Variants in RBFOX1 observed in about 807,000 individuals in gnomAD.
RBFOX1 encodes the protein RNA binding fox-1 homolog 1, also known as RNA binding protein fox-1 homolog 1.
RBFOX1 carries 8 observed loss-of-function variants against 57.7 expected under a neutral mutation model. The observed-to-expected ratio is 0.14, with a 90% CI of 0.08 to 0.25. RBFOX1 has a LOEUF of 0.25. Ranked by LOEUF, RBFOX1 falls within the 10% of genes least tolerant of loss-of-function variation. The pLI is 1.00. For synonymous variants in RBFOX1, 326 were observed against 222.4 expected, an observed-to-expected ratio of 1.47 and a Z score of -4.15; for missense variants, 611 against 548.5, an observed-to-expected ratio of 1.11 and a Z score of -1.14.
chr16:6,775,742 A>G (rs1354034148), intron 3 of RBFOX1: 1 of 152,216 alleles, frequency 6.6e-6, no homozygotes, highest in African/African-American at 2.4e-5. Flanking sequence ...GGTGTGAACC[A>G]GCAAACGGGT....
At chr16:6,947,865 C>T (rs144464382) in intron 3 of RBFOX1, among the ~76,000 whole-genome samples, 4 of 152,174 alleles carry the variant, frequency 2.6e-5, no homozygotes, top group African/African-American at 9.7e-5. Flanking sequence ...CAAAGTCCAC[C>T]TCATGGGTTC....
At chr16:5,420,763 T>C (rs1016545734) in intron 1 of RBFOX1, among the ~76,000 whole-genome samples, 3 of 152,028 alleles carry the variant, frequency 2.0e-5, no homozygotes, top group African/African-American at 7.2e-5. Context: ...CTCAAACTCT[T>C]GGCCTCAAGC....
intron 4 of RBFOX1, among the ~76,000 whole-genome samples, chr16:7,425,656 A>G (rs1198832836): frequency 6.6e-6 from 1 of 152,168 alleles, no homozygotes; most frequent in Non-Finnish European, 1.5e-5. Context: ...GAAATTGTTA[A>G]GCCCTGAGAA....
intron 3 of RBFOX1, among the ~76,000 whole-genome samples, chr16:6,895,446 G>GTATATATATATATATA (rs1439276748): frequency 1.8e-5 from 1 of 57,096 alleles, no homozygotes; most frequent in Non-Finnish European, 3.3e-5. Context: ...GTGTGTGTGT[G>GTATATATATATATATA]TGTATATATA....
At chr16:5,460,290 G>A (rs2068750778) in intron 1 of RBFOX1, among the ~76,000 whole-genome samples, 1 of 152,184 alleles carries the variant, frequency 6.6e-6, no homozygotes, top group African/African-American at 2.4e-5. Context: ...TTTCATGATT[G>A]TTGAAGCAGG....
intron 3 of RBFOX1, among the ~76,000 whole-genome samples, chr16:7,017,094 A>C (rs539738924): frequency 1.1e-4 from 17 of 152,168 alleles, no homozygotes; most frequent in African/African-American, 3.9e-4. Context: ...TCATTTTTCA[A>C]AAGACAGATG....
intron 1 of RBFOX1, among the ~76,000 whole-genome samples, chr16:5,434,474 A>C (rs1226046293): frequency 6.6e-6 from 1 of 151,780 alleles, no homozygotes; most frequent in Non-Finnish European, 1.5e-5. Flanking sequence ...GGCATGCACC[A>C]CCATGCCCAG....
intron 3 of RBFOX1, among the ~76,000 whole-genome samples, chr16:5,826,885 G>A (rs2056075943): frequency 6.6e-6 from 1 of 152,152 alleles, no homozygotes; most frequent in Non-Finnish European, 1.5e-5. Flanking sequence ...AGCAAGCTAA[G>A]GAGCCCTGAA....
intron 4 of RBFOX1, among the ~76,000 whole-genome samples, chr16:7,264,703 C>G (rs2095060607): frequency 6.7e-6 from 1 of 150,076 alleles, no homozygotes; most frequent in Non-Finnish European, 1.5e-5. Context: ...TTTTTCTCAA[C>G]TTTTTTTTTT....
intron 4 of RBFOX1, among the ~76,000 whole-genome samples, chr16:7,086,829 G>T (rs199559890): frequency 6.6e-6 from 1 of 152,092 alleles, no homozygotes; most frequent in East Asian, 1.9e-4. Context: ...AAGTCTTCTT[G>T]AAGCTTTCCA....
At chr16:5,690,497 A>T (rs1050049823) in intron 3 of RBFOX1, among the ~76,000 whole-genome samples, 1 of 152,126 alleles carries the variant, frequency 6.6e-6, no homozygotes, top group Non-Finnish European at 1.5e-5. Flanking sequence ...CGCTCTTGGC[A>T]TAACGCCTGG....
chr16:6,413,434 G>C (rs2093529579), intron 2 of RBFOX1, among the ~76,000 whole-genome samples: 1 of 152,070 alleles, frequency 6.6e-6, no homozygotes, highest in South Asian at 2.1e-4. Flanking sequence ...AAAGTGCTGG[G>C]GTTACAGGTG....
intron 3 of RBFOX1, among the ~76,000 whole-genome samples, chr16:5,752,029 C>G (rs145982118): frequency 1.3e-5 from 2 of 152,132 alleles, no homozygotes; most frequent in Non-Finnish European, 2.9e-5. Context: ...AATCTAAATT[C>G]CCATAATGGC....
chr16:6,960,568 G>A lies in RBFOX1; in HGVS notation c.-15-91489G>A, dbSNP rs187308982. Among the ~76,000 whole-genome samples the A allele has an allele frequency of 7.5e-4, 114 of 152,088 alleles. 1 individual carries two copies. Among genetic ancestry groups the A allele is most frequent in the African/African-American group, 2.7e-3 (110 of 41,478 alleles). On this transcript the variant is annotated intron_variant, in intron 3 of 15. Transcript: ENST00000550418. ...CTCTTTCTTGTATCTGTTCCCCTGTGCCCTTCTTACCTCCTTCCAAACTCT... is the reference window on the plus strand; with the variant it reads ...CTCTTTCTTGTATCTGTTCCCCTGTACCCTTCTTACCTCCTTCCAAACTCT...
intron 3 of RBFOX1, among the ~76,000 whole-genome samples, chr16:6,697,446 C>T (rs13336391): frequency 1.3e-4 from 20 of 152,054 alleles, no homozygotes; most frequent in African/African-American, 3.9e-4. Flanking sequence ...AAACAGCCCA[C>T]GGTGAGACTG....
At chr16:6,723,803 G>A (rs557038389) in intron 3 of RBFOX1, 2 of 151,972 alleles carry the variant, frequency 1.3e-5, no homozygotes, top group African/African-American at 4.8e-5. Flanking sequence ...GAGTCTTCCA[G>A]CTACGTACTC....
intron 3 of RBFOX1, among the ~76,000 whole-genome samples, chr16:6,813,443 G>A (rs564276283): frequency 6.6e-6 from 1 of 152,044 alleles, no homozygotes; most frequent in Admixed American, 6.6e-5. Flanking sequence ...CTCTAGTTTG[G>A]GGACCCCAGC....
At chr16:7,109,356 C>G (rs1220314839) in intron 4 of RBFOX1, among the ~76,000 whole-genome samples, 1 of 152,146 alleles carries the variant, frequency 6.6e-6, no homozygotes, top group African/African-American at 2.4e-5. Flanking sequence ...CAACCAAACC[C>G]TCTCACCAGA....
intron 2 of RBFOX1, among the ~76,000 whole-genome samples, chr16:5,500,476 C>T (rs2043156078): frequency 6.6e-6 from 1 of 152,164 alleles, no homozygotes; most frequent in Non-Finnish European, 1.5e-5. Flanking sequence ...CCCGCCTCCA[C>T]CTCCCAAAGT....
Sources: allele counts gnomAD v4.1 joint callset (sites outside exome capture counted in the v4.1 genomes callset), GRCh38; gene constraint gnomAD v4.1.1; transcripts MANE v1.5; gene names NCBI Gene and HGNC (gene_info 2026-07-23, HGNC 2026-07-21).